The following GRAP variants were observed in gnomAD, a reference collection of about 807,000 sequenced individuals.
GRAP encodes GRB2-related adapter protein.
In GRAP, 2 loss-of-function variants were observed where a neutral mutation model predicts 9.1. The observed-to-expected ratio is 0.22, with a 90% CI of 0.09 to 0.69. The LOEUF is 0.69. GRAP is among the 30% of genes least tolerant of loss of function. The probability of loss-of-function intolerance (pLI) is 0.81; values close to 1 mark genes in which losing one functional copy is unlikely to be tolerated. For missense variants in GRAP, 113 were observed against 179.4 expected (o/e 0.63, Z 2.12); for synonymous variants, 68 against 73.6 (o/e 0.92, Z 0.39).
rs1229502135 is a variant in GRAP, at chr17:19,024,957, C to G, written c.300-574G>C. Reference sequence around the variant, plus strand: ...ACGTCCTCCCCCTCCCATGAACCTTCCGTGGCTTCTCCCTTGGCCTCAGGG... The same window carrying G: ...ACGTCCTCCCCCTCCCATGAACCTTGCGTGGCTTCTCCCTTGGCCTCAGGG... On this transcript the variant is annotated intron_variant, in intron 3 of 4. Coordinates refer to ENST00000284154, the MANE Select transcript of GRAP (RefSeq NM_006613.4). This position sits in a 1 kb window ranked among gnomAD's most constrained non-coding sequence, Gnocchi z 4.2. Among the ~76,000 whole-genome samples the G allele has an allele frequency of 6.6e-6, 1 of 152,186 alleles. No individual in the cohort carries two copies. Among genetic ancestry groups the G allele is most frequent in the African/African-American group, 2.4e-5 (1 of 41,454 alleles).
chr17:19,024,233 G>A lies in GRAP; in HGVS notation c.450C>T (p.Asp150=), dbSNP rs9893211. 9 of 1,593,598 alleles carry A rather than the reference G, an allele frequency of 5.6e-6. No homozygotes were observed. Among genetic ancestry groups the A allele is most frequent in the East Asian group, 2.3e-5 (1 of 43,556 alleles). Residue 150 remains aspartate, a synonymous_variant, in exon 4 of 5, where the codon GAC becomes GAT. Transcript: ENST00000284154. The surrounding 1 kb of genome is among the most constrained non-coding windows in gnomAD (Gnocchi z 4.2). ...CCCCTACCTTGAGCAAGGGCTCCTCGTCGCGCAGGAAGATCTGCCGCTTCT... is the reference window on the plus strand; with the variant it reads ...CCCCTACCTTGAGCAAGGGCTCCTCATCGCGCAGGAAGATCTGCCGCTTCT... The part of the protein sequence containing the change: ...IAKKRQIFLR[D]EEPLLKSPGA...
At chr17:19,027,300 C>G (rs1285011084) in intron 3 of GRAP, among the ~76,000 whole-genome samples, 7 of 146,202 alleles carry the variant, frequency 4.8e-5, no homozygotes, top group Non-Finnish European at 1.0e-4. Flanking sequence ...GCTGGGAAAG[C>G]CTGGGGCCCT....
At chr17:19,051,022 G>A (rs2044394442), upstream of GRAP, among the ~76,000 whole-genome samples, 1 of 134,378 alleles carries the variant, frequency 7.4e-6, no homozygotes, top group African/African-American at 2.5e-5. Flanking sequence ...CTGGGTGACA[G>A]AGGGAGACTC....
chr17:19,025,112 C>T (rs145881467), intron 3 of GRAP, among the ~76,000 whole-genome samples: 2 of 152,254 alleles, frequency 1.3e-5, no homozygotes, highest in East Asian at 1.9e-4. Context: ...GCCTTCCAGC[C>T]AGCCCACTAC....
At chr17:19,022,781 C>T (rs2044283093) in intron 4 of GRAP, among the ~76,000 whole-genome samples, 1 of 152,192 alleles carries the variant, frequency 6.6e-6, no homozygotes. Context: ...GACTATTGCA[C>T]CCAGCACCCT....
chr17:19,023,322 G>A (rs1270272031), intron 4 of GRAP, among the ~76,000 whole-genome samples: 3 of 152,158 alleles, frequency 2.0e-5, no homozygotes, highest in Non-Finnish European at 4.4e-5. Flanking sequence ...ATGGAAAGGT[G>A]GTGGGGAGGT....
Position 19,024,263 on chromosome 17 carries a change from G to A in GRAP, c.420C>T (p.Ile140=), listed in dbSNP as rs1268056366. ...GCAGGAAGATCTGCCGCTTCTTGGC[G>A]ATGGTGGTGGTGCGGTAGAAGTCGA... ...ELVDFYRTTT[I]AKKRQIFLRD... The change falls in exon 4 of 5, where the codon ATC becomes ATT. Residue 140 remains isoleucine, a synonymous_variant. Transcript: ENST00000284154. This position sits in a 1 kb window ranked among gnomAD's most constrained non-coding sequence, Gnocchi z 4.2. The A allele has an allele frequency of 4.4e-6, 7 of 1,605,368 alleles. No individual in the cohort carries two copies. The highest frequency in any genetic ancestry group is 2.2e-5 in the East Asian group (1 of 44,456).
rs2044261730 is a variant in GRAP, at chr17:19,021,294, A to G, written c.*665T>C. The G allele has an allele frequency of 6.6e-6, 1 of 152,440 alleles. No homozygotes were observed. The highest frequency in any genetic ancestry group is 1.5e-5 in the Non-Finnish European group (1 of 68,250). 9.4% of individuals were successfully genotyped at this position (152,440 alleles called of 1,614,324 possible). ...GCTTGCCCTCAGAGCTCACCTGTCC[A>G]ACAGAAGAGGAGTGTGCCTCCACCT... On this transcript the variant is annotated 3_prime_UTR_variant, in exon 5 of 5. Coordinates refer to ENST00000284154, the MANE Select transcript of GRAP (RefSeq NM_006613.4). This position sits in a 1 kb window ranked among gnomAD's most constrained non-coding sequence, Gnocchi z 4.1.
rs1221971593 is a variant in GRAP at position 19,027,521 on chromosome 17, CA to C, written c.300-3139del. On this transcript the variant is annotated intron_variant, in intron 3 of 4. Coordinates refer to ENST00000284154, the MANE Select transcript of GRAP (RefSeq NM_006613.4). ...ACACACACACACACACACACACACA[CA>C]CACCCCTACCTCTCCTGGGTTGTAA... 2.5e-3 allele frequency among the ~76,000 whole-genome samples: 367 copies of C among 148,236 alleles called. 4 individuals are homozygous for C. Among genetic ancestry groups the C allele is most frequent in the African/African-American group, 8.7e-3 (352 of 40,270 alleles).
Position 19,022,126 on chromosome 17 carries a change from CA to C in GRAP, c.486del (p.Phe162LeufsTer101). 6.6e-7 allele frequency: 1 copy of C among 1,525,712 alleles called. No individual in the cohort carries two copies. Among genetic ancestry groups the C allele is most frequent in the Non-Finnish European group, 8.8e-7 (1 of 1,137,320 alleles). The allele number at this position is 1,525,712 out of a possible 1,614,324, so 94.5% of individuals were successfully genotyped here. A position where few individuals can be genotyped will look rare whatever the true frequency, so the allele number is the denominator to read the frequency against. ...EPLLKSPGAC[F>X]AQAQFDFSAQ... ...GCTGAGAAGTCAAACTGGGCCTGGGCAAAGCAGGCCCCAGGTGACTGCAAGA... is the reference window on the plus strand; with the variant it reads ...GCTGAGAAGTCAAACTGGGCCTGGGCAAGCAGGCCCCAGGTGACTGCAAGA... On this transcript the variant is annotated frameshift_variant, in exon 5 of 5. Coordinates refer to ENST00000284154, the MANE Select transcript of GRAP (RefSeq NM_006613.4). LOFTEE classifies it low-confidence loss of function (END_TRUNC).
chr17:19,023,411 C>G (rs2044288474), intron 4 of GRAP, among the ~76,000 whole-genome samples: 2 of 152,072 alleles, frequency 1.3e-5, no homozygotes, highest in Admixed American at 6.5e-5. Flanking sequence ...CTCCCCATCT[C>G]CTCTGCAGAG....
chr17:19,021,896 A>C lies in GRAP; in HGVS notation c.*63T>G, dbSNP rs550499409. On this transcript the variant is annotated 3_prime_UTR_variant, in exon 5 of 5. Transcript: ENST00000284154. This position sits in a 1 kb window ranked among gnomAD's most constrained non-coding sequence, Gnocchi z 4.1. ...GACTCTGACAGAGCTGGGGGTGTCCATGTCCTCTCTGGACCTCAGTTCCTG... is the reference window on the plus strand; with the variant it reads ...GACTCTGACAGAGCTGGGGGTGTCCCTGTCCTCTCTGGACCTCAGTTCCTG... 5.3e-5 allele frequency: 75 copies of C among 1,421,990 alleles called. No individual in the cohort carries two copies. The African/African-American group carries it at 9.5e-4, about 18-fold the overall frequency. The allele number at this position is 1,421,990 out of a possible 1,614,324, so 88.1% of individuals were successfully genotyped here.
chr17:19,022,367 G>C (rs999781870), intron 4 of GRAP: 1 of 402,706 alleles, frequency 2.5e-6, no homozygotes, highest in Non-Finnish European at 4.4e-6. Flanking sequence ...CATAGAACAC[G>C]GCTTTCCCAG....
rs1437229372 is a variant in GRAP at position 19,022,154 on chromosome 17, G to C, written c.469-10C>G. 6.9e-7 allele frequency: 1 copy of C among 1,442,452 alleles called. No homozygotes were observed. The highest frequency in any genetic ancestry group is 9.2e-7 in the Non-Finnish European group (1 of 1,087,618). The allele number at this position is 1,442,452 out of a possible 1,614,324, so 89.4% of individuals were successfully genotyped here. A position where few individuals can be genotyped will look rare whatever the true frequency, so the allele number is the denominator to read the frequency against. On this transcript the variant is annotated splice_polypyrimidine_tract_variant and intron_variant, in intron 4 of 4. Coordinates refer to ENST00000284154, the MANE Select transcript of GRAP (RefSeq NM_006613.4). ...AGCAGGCCCCAGGTGACTGCAAGAA[G>C]AGGAGGTGGTTAGTAGGGTGCCTTC...
At chr17:19,030,138 C>T (rs2044329309) in intron 3 of GRAP, among the ~76,000 whole-genome samples, 1 of 92,810 alleles carries the variant, frequency 1.1e-5, no homozygotes, top group African/African-American at 4.9e-5. Context: ...GCTAGGCTGA[C>T]CCCTGGGCTG....
upstream of GRAP, among the ~76,000 whole-genome samples, chr17:19,051,076 A>C (rs1410096662): frequency 9.0e-5 from 13 of 144,066 alleles, no homozygotes; most frequent in East Asian, 2.9e-3. Context: ...AAAGAAAAGA[A>C]AATGAAGAAA....
chr17:19,024,407 C>T lies in GRAP; in HGVS notation c.300-24G>A. ...AGCTAGGGGAAAGGACCCGGGGCCACCTCAGGTGGTGGCCGTCCCAGCCTG... is the reference window on the plus strand; with the variant it reads ...AGCTAGGGGAAAGGACCCGGGGCCATCTCAGGTGGTGGCCGTCCCAGCCTG... On this transcript the variant is annotated intron_variant, in intron 3 of 4. Transcript: ENST00000284154. The surrounding 1 kb of genome is among the most constrained non-coding windows in gnomAD (Gnocchi z 4.2). 6.2e-7 allele frequency: 1 copy of T among 1,604,062 alleles called. No individual in the cohort carries two copies. The highest frequency in any genetic ancestry group is 8.5e-7 in the Non-Finnish European group (1 of 1,174,968).
intron 3 of GRAP, chr17:19,030,236 A>G (rs1158601402): frequency 1.1e-5 from 5 of 441,548 alleles, no homozygotes; most frequent in African/African-American, 5.2e-5. Context: ...TGGCGGCAGC[A>G]GCAGCAGCAG....
rs1431130583 is a variant in GRAP, at chr17:19,021,335, C to T, written c.*624G>A. The T allele has an allele frequency of 2.0e-5, 3 of 153,648 alleles. No homozygotes were observed. The highest frequency in any genetic ancestry group is 7.2e-5 in the African/African-American group (3 of 41,528). The allele number at this position is 153,648 out of a possible 1,614,324, so 9.5% of individuals were successfully genotyped here. A position where few individuals can be genotyped will look rare whatever the true frequency, so the allele number is the denominator to read the frequency against. On this transcript the variant is annotated 3_prime_UTR_variant, in exon 5 of 5. Transcript: ENST00000284154. This position sits in a 1 kb window ranked among gnomAD's most constrained non-coding sequence, Gnocchi z 4.1. ...GCCTCCACCTTCCCTACTGCCCGCC[C>T]CTTTTTCAGGGTCTTAGGGCCTCTA...
Sources: allele counts gnomAD v4.1 joint callset (sites outside exome capture counted in the v4.1 genomes callset), GRCh38; gene constraint gnomAD v4.1.1; non-coding constraint Gnocchi (gnomAD v3.1); transcripts MANE v1.5; gene names NCBI Gene and HGNC (gene_info 2026-07-23, HGNC 2026-07-21).